The following DNAJC5 variants were observed in gnomAD, a reference collection of about 807,000 sequenced individuals.
The protein encoded by DNAJC5 is dnaJ homolog subfamily C member 5.
Under a neutral mutation model 23.2 loss-of-function variants are expected in DNAJC5, and 1 was observed. The ratio of observed to expected loss-of-function variants is 0.04; its 90% confidence interval spans 0.02 to 0.20. The LOEUF (loss-of-function observed/expected upper bound fraction) is 0.20. DNAJC5 is among the 10% of genes least tolerant of loss of function. The pLI is 1.00. For synonymous variants in DNAJC5, 136 were observed against 120.0 expected (o/e 1.13, Z -0.87); for missense variants, 180 against 267.0 (o/e 0.67, Z 2.27).
At chr20:63,897,277 C>T (rs554904748) in intron 1 of DNAJC5, among the ~76,000 whole-genome samples, 1 of 152,082 alleles carries the variant, frequency 6.6e-6, no homozygotes, top group African/African-American at 2.4e-5. Context: ...GCCTGTAATC[C>T]CAGCTACTAG....
At chr20:63,911,290 C>T (rs977033456) in intron 1 of DNAJC5, among the ~76,000 whole-genome samples, 5 of 152,148 alleles carry the variant, frequency 3.3e-5, no homozygotes, top group African/African-American at 4.8e-5. Flanking sequence ...AGGGTGGCAG[C>T]TATGGGTTGA....
In DNAJC5 at chr20:63,931,342, T is replaced by G; in HGVS notation, c.494-123T>G. 1.0e-6 allele frequency: 1 copy of G among 996,580 alleles called. No homozygotes were observed. The highest frequency in any genetic ancestry group is 1.5e-6 in the Non-Finnish European group (1 of 658,862). The allele number at this position is 996,580 out of a possible 1,614,324, so 61.7% of individuals were successfully genotyped here. On this transcript the variant is annotated intron_variant, in intron 4 of 4. Coordinates refer to ENST00000360864, the MANE Select transcript of DNAJC5 (RefSeq NM_025219.3). This position sits in a 1 kb window ranked among gnomAD's most constrained non-coding sequence, Gnocchi z 9.6. ...GGAGGAAAGCCGTGTGGGGTGGAGG[T>G]CAGCGAGTAGCCTCTCCCGGTGGAG... is the stretch of plus-strand genomic sequence containing the variant.
chr20:63,905,988 T>G (rs1463816329), intron 1 of DNAJC5, among the ~76,000 whole-genome samples: 1 of 151,868 alleles, frequency 6.6e-6, no homozygotes, highest in Non-Finnish European at 1.5e-5. Flanking sequence ...CGCCTCAGCC[T>G]CCCAAAGTGC....
chr20:63,905,402 C>T (rs972487919), intron 1 of DNAJC5, among the ~76,000 whole-genome samples: 1 of 152,028 alleles, frequency 6.6e-6, no homozygotes, highest in African/African-American at 2.4e-5. Flanking sequence ...AGGTGTGAGC[C>T]ACCACACCCG....
Position 63,929,417 on chromosome 20 carries a change from A to C in DNAJC5, c.213A>C (p.Thr71=). ...NNAHAILTDA[T]KRNIYDKYGS... is the part of the protein sequence containing the mutation. ...CGCACGCCATCCTCACGGACGCCAC[A>C]AAAAGGAACATCTACGACAAGTACG... The change falls in exon 3 of 5, where the codon ACA becomes ACC. Residue 71 remains threonine, a synonymous_variant. Coordinates refer to ENST00000360864, the MANE Select transcript of DNAJC5 (RefSeq NM_025219.3). The surrounding 1 kb of genome is among the most constrained non-coding windows in gnomAD (Gnocchi z 8.6). The C allele has an allele frequency of 6.2e-7, 1 of 1,614,170 alleles. No homozygotes were observed. The highest frequency in any genetic ancestry group is 1.1e-5 in the South Asian group (1 of 91,082).
intron 1 of DNAJC5, among the ~76,000 whole-genome samples, chr20:63,905,925 G>A (rs879669139): frequency 2.0e-5 from 3 of 150,642 alleles, no homozygotes; most frequent in Non-Finnish European, 4.4e-5. Context: ...AGTAGAGACG[G>A]GGTTTCACCA....
At chr20:63,922,277 C>T (rs2053579612) in intron 1 of DNAJC5, among the ~76,000 whole-genome samples, 2 of 151,740 alleles carry the variant, frequency 1.3e-5, no homozygotes, top group Middle Eastern at 3.5e-3. Flanking sequence ...TCCTGGCCAA[C>T]ATGGTGAAGC....
intron 1 of DNAJC5, among the ~76,000 whole-genome samples, chr20:63,899,782 G>T (rs542070101): frequency 2.6e-4 from 39 of 151,690 alleles, no homozygotes; most frequent in Admixed American, 5.9e-4. Flanking sequence ...AGGGTTTCGC[G>T]GTGTTAGCCA....
At chr20:63,911,342 C>A (rs2053481708) in intron 1 of DNAJC5, among the ~76,000 whole-genome samples, 1 of 152,176 alleles carries the variant, frequency 6.6e-6, no homozygotes, top group Non-Finnish European at 1.5e-5. Context: ...GGTCTTGTTG[C>A]TTCTTGACAT....
At chr20:63,917,349 G>T (rs1466339463) in intron 1 of DNAJC5, among the ~76,000 whole-genome samples, 1 of 152,064 alleles carries the variant, frequency 6.6e-6, no homozygotes. Context: ...CCGCCTCCTG[G>T]GTTCAAGCGA....
At chr20:63,904,498 A>C (rs1350375460) in intron 1 of DNAJC5, among the ~76,000 whole-genome samples, 1 of 152,184 alleles carries the variant, frequency 6.6e-6, no homozygotes, top group East Asian at 1.9e-4. Context: ...CTCACATAGA[A>C]TCTGAAGTGG....
At chr20:63,895,603 C>T (rs1426186434) in intron 1 of DNAJC5, among the ~76,000 whole-genome samples, 2 of 151,446 alleles carry the variant, frequency 1.3e-5, no homozygotes, top group Non-Finnish European at 2.9e-5. Context: ...GCGCTCTCCG[C>T]GGGTCTCTTC....
intron 1 of DNAJC5, among the ~76,000 whole-genome samples, chr20:63,910,046 T>C (rs2146279879): frequency 6.6e-6 from 1 of 152,328 alleles, no homozygotes; most frequent in Non-Finnish European, 1.5e-5. Flanking sequence ...TGCACAGACC[T>C]GAGTGATTTG....
intron 1 of DNAJC5, among the ~76,000 whole-genome samples, chr20:63,896,755 T>C (rs2053378214): frequency 6.6e-6 from 1 of 152,188 alleles, no homozygotes; most frequent in Middle Eastern, 3.2e-3. Context: ...AATATTTTAC[T>C]GTGAGTTAGT....
intron 1 of DNAJC5, among the ~76,000 whole-genome samples, chr20:63,896,301 A>T (rs1265408305): frequency 6.6e-6 from 1 of 152,242 alleles, no homozygotes; most frequent in Non-Finnish European, 1.5e-5. Context: ...AGTCTGTCAA[A>T]CAAGAGATGA....
chr20:63,914,809 T>A (rs1600868775), intron 1 of DNAJC5, among the ~76,000 whole-genome samples: 1 of 151,860 alleles, frequency 6.6e-6, no homozygotes, highest in East Asian at 1.9e-4. Flanking sequence ...AGAGATGGGG[T>A]TTCACTGTGT....
chr20:63,908,309 G>T (rs145262107), intron 1 of DNAJC5, among the ~76,000 whole-genome samples: 1 of 152,194 alleles, frequency 6.6e-6, no homozygotes, highest in Non-Finnish European at 1.5e-5. Flanking sequence ...GGAAAGTCAG[G>T]GCCGTTTCCA....
intron 1 of DNAJC5, among the ~76,000 whole-genome samples, chr20:63,927,804 A>G (rs2053628934): frequency 6.6e-6 from 1 of 152,250 alleles, no homozygotes; most frequent in Non-Finnish European, 1.5e-5. Context: ...AGATCTTCCA[A>G]CTAATTTTCT....
chr20:63,914,078 G>A (rs184536106), intron 1 of DNAJC5, among the ~76,000 whole-genome samples: 1 of 152,252 alleles, frequency 6.6e-6, no homozygotes, highest in Admixed American at 6.5e-5. Context: ...GAGAAGCCGG[G>A]ACGCTCACCG....
Sources: allele counts gnomAD v4.1 joint callset (sites outside exome capture counted in the v4.1 genomes callset), GRCh38; gene constraint gnomAD v4.1.1; non-coding constraint Gnocchi (gnomAD v3.1); transcripts MANE v1.5; gene names NCBI Gene and HGNC (gene_info 2026-07-23, HGNC 2026-07-21).